Variants in RAPGEF5 observed in about 807,000 individuals in gnomAD.
RAPGEF5 encodes the protein Rap guanine nucleotide exchange factor 5, also known as M-Ras-regulated GEF.
RAPGEF5 carries 65 observed loss-of-function variants against 125.2 expected under a neutral mutation model. The observed-to-expected ratio is 0.52, with a 90% CI of 0.43 to 0.64. RAPGEF5 has a LOEUF of 0.64. Ranked by LOEUF, RAPGEF5 falls within the 30% of genes least tolerant of loss-of-function variation. The probability of loss-of-function intolerance (pLI) is 0.00; values close to 1 mark genes in which losing one functional copy is unlikely to be tolerated. For missense variants in RAPGEF5, 958 were observed against 1,048.1 expected (o/e 0.91, Z 1.19); for synonymous variants, 391 against 385.9 (o/e 1.01, Z -0.16).
At chr7:22,332,731 T>C (rs1226094153) in intron 1 of RAPGEF5, among the ~76,000 whole-genome samples, 1 of 152,230 alleles carries the variant, frequency 6.6e-6, no homozygotes, top group Non-Finnish European at 1.5e-5. Flanking sequence ...CTAAGTCCTA[T>C]GTATCTCAAG....
chr7:22,152,746 T>G (rs1783668834), intron 17 of RAPGEF5, among the ~76,000 whole-genome samples: 1 of 152,206 alleles, frequency 6.6e-6, no homozygotes, highest in African/African-American at 2.4e-5. Flanking sequence ...TATTAAAAAT[T>G]ATGTAACTAG....
rs555318454 is a variant in RAPGEF5 at position 22,202,829 on chromosome 7, G to A, written c.997-8796C>T. The A allele has an allele frequency of 1.8e-5, 4 of 221,310 alleles. No homozygotes were observed. In the East Asian group the frequency reaches 5.5e-4, roughly 31 times the overall value. 13.7% of individuals were successfully genotyped at this position (221,310 alleles called of 1,614,324 possible). On this transcript the variant is annotated intron_variant, in intron 9 of 25. Coordinates refer to ENST00000665637, the MANE Select transcript of RAPGEF5 (RefSeq NM_012294.5). ...TTCTAGCTGGGTGGTCTATCTCTCT[G>A]AGCATCAGCTTTCTTGCCTGTGAAA... is the stretch of plus-strand genomic sequence containing the variant.
In RAPGEF5 at chr7:22,146,985, C is replaced by T. The variant is rs768844483; in HGVS notation, c.1919G>A (p.Arg640Lys). The change falls in exon 19 of 26, where the codon AGG (arginine) becomes AAG (lysine). Residue 640 changes from arginine (R) to lysine (K), a missense_variant. By Grantham distance (26) the Arg-to-Lys change is conservative. Transcript: ENST00000665637. ...GTTCATTCCCAAAATCCTCATCGAC[C>T]TTTGCTGTGATTCCTCATTTTCTGC... Reference protein sequence around the residue: ...PFAENEESQQRSMRILGMNTW... With the variant: ...PFAENEESQQKSMRILGMNTW... 29 of 1,613,374 alleles carry T rather than the reference C, an allele frequency of 1.8e-5. No homozygotes were observed. In the Admixed American group the frequency reaches 4.3e-4, roughly 24 times the overall value.
intron 7 of RAPGEF5, among the ~76,000 whole-genome samples, chr7:22,256,726 C>T (rs887039558): frequency 2.0e-5 from 3 of 152,110 alleles, no homozygotes; most frequent in African/African-American, 7.2e-5. Flanking sequence ...ATAATGAGAG[C>T]TAAAAGTGCT....
At chr7:22,241,571 C>T (rs1176495295) in intron 7 of RAPGEF5, among the ~76,000 whole-genome samples, 2 of 152,200 alleles carry the variant, frequency 1.3e-5, no homozygotes, top group Admixed American at 6.5e-5. Context: ...TGTGAAATTA[C>T]ATCAACTCAC....
At chr7:22,316,339 T>G (rs1339391528) in intron 2 of RAPGEF5, among the ~76,000 whole-genome samples, 4 of 117,708 alleles carry the variant, frequency 3.4e-5, no homozygotes, top group Admixed American at 2.0e-4. Flanking sequence ...AAATTTTTTA[T>G]GTATCTACTA....
chr7:22,149,343 A>G lies in RAPGEF5; in HGVS notation c.1884+1064T>C, dbSNP rs373185624. Among the ~76,000 whole-genome samples, 6 of 152,240 alleles carry G rather than the reference A, an allele frequency of 3.9e-5. No individual in the cohort carries two copies. The East Asian group carries it at 5.8e-4, about 15-fold the overall frequency. On this transcript the variant is annotated intron_variant, in intron 18 of 25. Coordinates refer to ENST00000665637, the MANE Select transcript of RAPGEF5 (RefSeq NM_012294.5). The stretch of plus-strand genomic sequence containing the variant: ...ACCTACGTGGTATGCAGGTTTCTCA[A>G]TTATACATACAACAGGAGCCAGTGA...
chr7:22,298,147 T>A (rs1783108652), intron 5 of RAPGEF5, among the ~76,000 whole-genome samples: 1 of 151,790 alleles, frequency 6.6e-6, no homozygotes. Context: ...GAAGATTGTG[T>A]CTATGCTAAT....
intron 1 of RAPGEF5, among the ~76,000 whole-genome samples, chr7:22,342,359 G>C (rs1784145875): frequency 2.0e-5 from 3 of 152,300 alleles, no homozygotes. Context: ...TGATGGGAGG[G>C]GCTGCAGTAA....
intron 9 of RAPGEF5, among the ~76,000 whole-genome samples, chr7:22,207,606 C>T (rs987230646): frequency 6.6e-6 from 1 of 152,150 alleles, no homozygotes; most frequent in East Asian, 1.9e-4. Flanking sequence ...AATTCTTTAA[C>T]AGAAATGTGC....
At chr7:22,318,394 T>C (rs1583575646) in intron 1 of RAPGEF5, among the ~76,000 whole-genome samples, 1 of 152,140 alleles carries the variant, frequency 6.6e-6, no homozygotes, top group African/African-American at 2.4e-5. Flanking sequence ...CACTATACAC[T>C]CAACTACCTG....
intron 7 of RAPGEF5, among the ~76,000 whole-genome samples, chr7:22,231,724 T>C (rs1786063143): frequency 1.3e-5 from 2 of 152,226 alleles, no homozygotes; most frequent in South Asian, 4.1e-4. Context: ...ATGACTGGAT[T>C]ACTTTTCTCT....
intron 8 of RAPGEF5, among the ~76,000 whole-genome samples, chr7:22,229,096 G>A (rs904293930): frequency 6.6e-6 from 1 of 152,144 alleles, no homozygotes; most frequent in Non-Finnish European, 1.5e-5. Flanking sequence ...CAGGTTTACA[G>A]CCACTAAGGA....
intron 1 of RAPGEF5, among the ~76,000 whole-genome samples, chr7:22,337,678 G>C (rs1476051031): frequency 6.7e-6 from 1 of 150,084 alleles, no homozygotes; most frequent in Non-Finnish European, 1.5e-5. Flanking sequence ...GAGTTGGTTA[G>C]GTCAGATCTC....
intron 3 of RAPGEF5, among the ~76,000 whole-genome samples, chr7:22,314,857 A>C (rs1263091400): frequency 1.3e-5 from 2 of 152,074 alleles, no homozygotes; most frequent in East Asian, 1.9e-4. Flanking sequence ...AAAACTGGCC[A>C]TTTACCTACC....
At chr7:22,276,700 T>A (rs1411530044) in intron 6 of RAPGEF5, among the ~76,000 whole-genome samples, 1 of 152,156 alleles carries the variant, frequency 6.6e-6, no homozygotes, top group Non-Finnish European at 1.5e-5. Context: ...GAGTAGGAAA[T>A]CTCTAATTAT....
At chr7:22,262,407 T>C (rs1782177293) in intron 7 of RAPGEF5, among the ~76,000 whole-genome samples, 1 of 152,040 alleles carries the variant, frequency 6.6e-6, no homozygotes, top group African/African-American at 2.4e-5. Flanking sequence ...AAAATAATAA[T>C]AATAATGATA....
In RAPGEF5 at chr7:22,253,886, G is replaced by A. The variant is rs1224161225; in HGVS notation, c.796+13078C>T. 2.6e-5 allele frequency among the ~76,000 whole-genome samples: 4 copies of A among 152,152 alleles called. No homozygotes were observed. In the East Asian group the frequency reaches 5.8e-4, roughly 22 times the overall value. Reference sequence around the variant, plus strand: ...AAGGTAAAGTCTAATATGGTGCTACGTTAAAAGAAGAACCTGTCAACTAAA... The same window carrying A: ...AAGGTAAAGTCTAATATGGTGCTACATTAAAAGAAGAACCTGTCAACTAAA... On this transcript the variant is annotated intron_variant, in intron 7 of 25. Transcript: ENST00000665637.
chr7:22,137,129 C>T, intron 21 of RAPGEF5, 146 bp from the exon 22 acceptor site: 1 of 639,020 alleles, frequency 1.6e-6, no homozygotes, highest in South Asian at 2.0e-5. Context: ...CTGATTGCTT[C>T]TCATTATGCA....
Sources: gnomAD v4.1 joint callset for allele counts (sites outside exome capture counted in the v4.1 genomes callset) on GRCh38, gnomAD v4.1.1 for gene constraint, MANE v1.5 for transcripts, NCBI Gene and HGNC (gene_info 2026-07-23, HGNC 2026-07-21) for gene names.